The following IQCE variants were observed in gnomAD, a reference collection of about 807,000 sequenced individuals.
The protein encoded by IQCE is IQ domain-containing protein E.
Under a neutral mutation model 96.0 loss-of-function variants are expected in IQCE, and 115 were observed. The observed-to-expected ratio is 1.20, with a 90% confidence interval of 1.03 to 1.40. The LOEUF (loss-of-function observed/expected upper bound fraction) is 1.40. Ranked by LOEUF, IQCE falls within the 40% of genes most tolerant of loss-of-function variation. The pLI, the probability that IQCE is intolerant of heterozygous loss-of-function variation, is 0.00. For missense variants in IQCE, 1,041 were observed against 909.1 expected (o/e 1.15, Z -1.87); for synonymous variants, 412 against 371.2 (o/e 1.11, Z -1.26).
In IQCE at chr7:2,607,175, T is replaced by C. The variant is rs1784897037; in HGVS notation, c.1917T>C (p.Ala639=). 1 of 1,613,076 alleles carries C rather than the reference T, an allele frequency of 6.2e-7. No homozygotes were observed. Among genetic ancestry groups the C allele is most frequent in the African/African-American group, 1.3e-5 (1 of 74,840 alleles). The part of the protein sequence containing the change: ...TTAASTRRRS[A]SATHGDASSP... ...CAGCTTCTACCAGGAGGAGATCGGC[T>C]TCAGCCACACACGGGGACGCCTCCT... Residue 639 remains alanine, a synonymous_variant, in exon 21 of 22, where the codon GCT becomes GCC. Coordinates refer to ENST00000402050, the MANE Select transcript of IQCE (RefSeq NM_152558.5).
Position 2,612,441 on chromosome 7 carries a change from C to G in IQCE, c.*2279C>G, listed in dbSNP as rs1164399189. 6.6e-6 allele frequency: 1 copy of G among 152,354 alleles called. No homozygotes were observed. The highest frequency in any genetic ancestry group is 2.4e-5 in the African/African-American group (1 of 41,432). 9.4% of individuals were successfully genotyped at this position (152,354 alleles called of 1,614,324 possible). ...TGGAGACAGTACCAAGCGGAGAGGC[C>G]TCCTTGCCCACGGCCCCAGGGCCTG... is the stretch of plus-strand genomic sequence containing the variant. On this transcript the variant is annotated 3_prime_UTR_variant, in exon 22 of 22. Coordinates refer to ENST00000402050, the MANE Select transcript of IQCE (RefSeq NM_152558.5).
chr7:2,560,511 G>A (rs1343843369), intron 1 of IQCE, among the ~76,000 whole-genome samples: 1 of 152,188 alleles, frequency 6.6e-6, no homozygotes, highest in Non-Finnish European at 1.5e-5. Flanking sequence ...TTGCCTGCTT[G>A]TTCCCCAGGG....
chr7:2,607,284 C>G (rs763727579), intron 21 of IQCE, 57 bp downstream of exon 21: 12 of 1,608,872 alleles, frequency 7.5e-6, no homozygotes, highest in Admixed American at 3.4e-5. Context: ...GAGGTCTCAG[C>G]CAAAGAGTGG....
intron 16 of IQCE, among the ~76,000 whole-genome samples, 188 bp downstream of exon 16, chr7:2,595,164 T>G (rs1429200775): frequency 1.3e-5 from 2 of 152,238 alleles, no homozygotes; most frequent in Non-Finnish European, 2.9e-5. Flanking sequence ...ATTAATTGAC[T>G]GTCAGCAAAT....
intron 1 of IQCE, among the ~76,000 whole-genome samples, chr7:2,559,867 G>T (rs1175072916): frequency 6.6e-6 from 1 of 151,758 alleles, no homozygotes; most frequent in African/African-American, 2.4e-5. Context: ...GGCCCATATG[G>T]CCGGGAGCCG....
At chr7:2,561,880 G>A (rs112815439) in intron 1 of IQCE, among the ~76,000 whole-genome samples, 6 of 152,166 alleles carry the variant, frequency 3.9e-5, no homozygotes, top group Admixed American at 2.0e-4. Context: ...CAATCTGAAT[G>A]TCTTTTATTT....
At chr7:2,577,466 A>AT (rs1782235746) in intron 6 of IQCE, among the ~76,000 whole-genome samples, 1 of 46,126 alleles carries the variant, frequency 2.2e-5, no homozygotes, top group Admixed American at 2.4e-4. Flanking sequence ...GCGCGCGGGG[A>AT]CTGTGTGCGG....
intron 10 of IQCE, among the ~76,000 whole-genome samples, chr7:2,583,938 GGC>G (rs1782892197): frequency 7.3e-5 from 4 of 55,136 alleles, no homozygotes; most frequent in South Asian, 9.6e-4. Context: ...CGGCGGGGCG[GGC>G]ACCGAGCTGG....
chr7:2,560,504 C>G (rs1375537500), intron 1 of IQCE, among the ~76,000 whole-genome samples: 1 of 152,220 alleles, frequency 6.6e-6, no homozygotes, highest in Non-Finnish European at 1.5e-5. Flanking sequence ...GCTGAAGTTG[C>G]CTGCTTGTTC....
chr7:2,583,575 C>T, intron 9 of IQCE, 62 bp from the exon 10 acceptor site: 3 of 1,318,610 alleles, frequency 2.3e-6, no homozygotes, highest in East Asian at 2.7e-5. Context: ...GAAACTCTTC[C>T]TCTTGCTCTG....
In IQCE at chr7:2,582,262, A is replaced by T. The variant is rs540378988; in HGVS notation, c.631-318A>T. The stretch of plus-strand genomic sequence containing the variant: ...TGGGGCTGCTTCTTTTATTTAATAT[A>T]ATCAAGGGCACACCCTGCTCTGTCC... On this transcript the variant is annotated intron_variant, in intron 8 of 21. Coordinates refer to ENST00000402050, the MANE Select transcript of IQCE (RefSeq NM_152558.5). 1.4e-4 allele frequency among the ~76,000 whole-genome samples: 22 copies of T among 152,180 alleles called. No individual in the cohort carries two copies. In the South Asian group the frequency reaches 4.4e-3, roughly 30 times the overall value.
intron 15 of IQCE, among the ~76,000 whole-genome samples, chr7:2,594,026 C>T (rs1374926641): frequency 1.3e-5 from 2 of 152,142 alleles, no homozygotes; most frequent in African/African-American, 2.4e-5. Context: ...CTTTGGGAGG[C>T]CGAGGCGGGC....
chr7:2,603,478 T>C (rs1784575816), intron 18 of IQCE, among the ~76,000 whole-genome samples: 1 of 147,760 alleles, frequency 6.8e-6, no homozygotes, highest in South Asian at 2.2e-4. Flanking sequence ...CCTGCTTCTC[T>C]CCCTGGCGCC....
At chr7:2,610,001 G>T in intron 21 of IQCE, 43 bp from the exon 22 acceptor site, 2 of 1,113,740 alleles carry the variant, frequency 1.8e-6, no homozygotes, top group Non-Finnish European at 2.8e-6. Flanking sequence ...CAGCCCCTGA[G>T]GTCAGCGTGG....
chr7:2,582,568 T>G lies in IQCE; in HGVS notation c.631-12T>G. 1 of 1,613,432 alleles carries G rather than the reference T, an allele frequency of 6.2e-7. No homozygotes were observed. Among genetic ancestry groups the G allele is most frequent in the Non-Finnish European group, 8.5e-7 (1 of 1,179,574 alleles). On this transcript the variant is annotated splice_polypyrimidine_tract_variant and intron_variant, in intron 8 of 21. Coordinates refer to ENST00000402050, the MANE Select transcript of IQCE (RefSeq NM_152558.5). ...GGGCGTGGCCTGCCTGATGGGCACG[T>G]TCCCCGGGCAGGTCATTAACGGGCT...
chr7:2,567,075 C>T (rs775123882), intron 1 of IQCE, 41 bp from the exon 2 acceptor site: 3 of 1,571,584 alleles, frequency 1.9e-6, no homozygotes, highest in South Asian at 2.2e-5. Flanking sequence ...GGAAGCCCAG[C>T]AGGTGCCGTC....
chr7:2,563,090 G>A (rs1011846464), intron 1 of IQCE, among the ~76,000 whole-genome samples: 5 of 151,898 alleles, frequency 3.3e-5, no homozygotes, highest in Admixed American at 6.6e-5. Flanking sequence ...CATGCCTGGC[G>A]AATTTTTTAA....
At chr7:2,586,736 C>T (rs1386941182) in intron 12 of IQCE, among the ~76,000 whole-genome samples, 1 of 152,162 alleles carries the variant, frequency 6.6e-6, no homozygotes, top group African/African-American at 2.4e-5. Context: ...AGGAAGGCAC[C>T]CCCAAGACGG....
In IQCE at chr7:2,568,991, C is replaced by T. The variant is rs1377821862; in HGVS notation, c.122C>T (p.Thr41Ile). The part of the protein sequence containing the change: ...KRKAFHKPPP[T>I]SPKSPYLSKP... ...AAAGCTTTCCACAAACCTCCACCCA[C>T]ATCGCCAAGTAAGTATGACGAGGCC... is the stretch of plus-strand genomic sequence containing the variant. Residue 41 changes from threonine to isoleucine, a missense_variant, in exon 3 of 22, where the codon ACA (threonine) becomes ATA (isoleucine). Coordinates refer to ENST00000402050, the MANE Select transcript of IQCE (RefSeq NM_152558.5). 6.2e-7 allele frequency: 1 copy of T among 1,614,040 alleles called. No individual in the cohort carries two copies. Among genetic ancestry groups the T allele is most frequent in the South Asian group, 1.1e-5 (1 of 91,088 alleles).
Sources: allele counts gnomAD v4.1 joint callset (sites outside exome capture counted in the v4.1 genomes callset), GRCh38; gene constraint gnomAD v4.1.1; transcripts MANE v1.5; gene names NCBI Gene and HGNC (gene_info 2026-07-23, HGNC 2026-07-21).